The following RABGAP1L variants were observed in gnomAD, a reference collection of about 807,000 sequenced individuals.
RABGAP1L encodes RAB GTPase activating protein 1 like.
A neutral mutation model predicts 137.7 loss-of-function variants in RABGAP1L; 63 were observed. The observed-to-expected ratio is 0.46, with a 90% CI of 0.37 to 0.56. The LOEUF is 0.56. RABGAP1L is among the 20% of genes least tolerant of loss of function. RABGAP1L has a pLI of 0.00. For synonymous variants in RABGAP1L, 431 were observed against 433.7 expected, an observed-to-expected ratio of 0.99 and a Z score of 0.08; for missense variants, 1,095 against 1,244.0, an observed-to-expected ratio of 0.88 and a Z score of 1.80.
At chr1:174,493,014 A>G (rs1223368269) in intron 13 of RABGAP1L, among the ~76,000 whole-genome samples, 1 of 151,406 alleles carries the variant, frequency 6.6e-6, no homozygotes, top group Non-Finnish European at 1.5e-5. Context: ...GTTAGGGACT[A>G]TGTCTCTTTT....
At chr1:174,318,638 C>CTTTCTTTCTT (rs1679653106) in intron 11 of RABGAP1L, among the ~76,000 whole-genome samples, 21 of 88,652 alleles carry the variant, frequency 2.4e-4, no homozygotes, top group African/African-American at 7.8e-4. Context: ...CTTTCTTTTT[C>CTTTCTTTCTT]TTTCTTTTTT....
At chr1:174,925,120 C>T (rs1662497165) in intron 19 of RABGAP1L, among the ~76,000 whole-genome samples, 1 of 152,042 alleles carries the variant, frequency 6.6e-6, no homozygotes, top group Non-Finnish European at 1.5e-5. Context: ...AATCCCAGCA[C>T]TTTGGGAGGC....
chr1:174,615,874 CT>C (rs2148239307), intron 13 of RABGAP1L, among the ~76,000 whole-genome samples: 1 of 152,354 alleles, frequency 6.6e-6, no homozygotes, highest in Admixed American at 6.5e-5. Flanking sequence ...GTGTAGGACC[CT>C]CCGAGCCAGG....
Position 174,840,696 on chromosome 1 carries a change from A to G in RABGAP1L, c.2340+28736A>G, listed in dbSNP as rs192814870. ...CTGGGCGTGGTGGCAGGCACCTGTA[A>G]TCCCAGCTACTTGGGAGACTGAGGC... On this transcript the variant is annotated intron_variant, in intron 19 of 25. Transcript: ENST00000681986. 4.1e-4 allele frequency among the ~76,000 whole-genome samples: 62 copies of G among 151,676 alleles called. No individual in the cohort carries two copies. The East Asian group carries it at 8.9e-3, about 22-fold the overall frequency.
chr1:174,591,098 C>T (rs1271588470), intron 13 of RABGAP1L, among the ~76,000 whole-genome samples: 36 of 73,864 alleles, frequency 4.9e-4, no homozygotes, highest in African/African-American at 2.6e-3. Context: ...TCTCTCATGG[C>T]CAGTGATGAT....
intron 13 of RABGAP1L, among the ~76,000 whole-genome samples, chr1:174,496,562 T>C (rs1282041824): frequency 6.6e-6 from 1 of 152,192 alleles, no homozygotes; most frequent in African/African-American, 2.4e-5. Context: ...GCATCAGTAG[T>C]GGTTGCCAAG....
chr1:174,764,077 A>G (rs994463605), intron 18 of RABGAP1L, among the ~76,000 whole-genome samples: 5 of 152,090 alleles, frequency 3.3e-5, no homozygotes, highest in African/African-American at 1.2e-4. Context: ...GTCTTTTGTG[A>G]CTGGCTTTTT....
intron 11 of RABGAP1L, among the ~76,000 whole-genome samples, chr1:174,316,442 AG>A (rs1239676464): frequency 2.0e-5 from 3 of 152,184 alleles, no homozygotes; most frequent in African/African-American, 7.2e-5. Context: ...TATCTACTTT[AG>A]GGGCAAGCTC....
At chr1:174,467,551 G>T (rs926235386) in intron 13 of RABGAP1L, among the ~76,000 whole-genome samples, 10 of 152,052 alleles carry the variant, frequency 6.6e-5, no homozygotes, top group African/African-American at 2.4e-4. Context: ...CTAAATAAAT[G>T]TAAAAGTAAC....
chr1:174,690,414 T>G (rs539358761), intron 15 of RABGAP1L, among the ~76,000 whole-genome samples: 1 of 152,228 alleles, frequency 6.6e-6, no homozygotes, highest in African/African-American at 2.4e-5. Context: ...ATTTAACTTC[T>G]TTGAACTTCA....
chr1:174,255,472 AC>A (rs1220384430), intron 7 of RABGAP1L, among the ~76,000 whole-genome samples: 1 of 152,074 alleles, frequency 6.6e-6, no homozygotes, highest in African/African-American at 2.4e-5. Context: ...TCTCAGTGTT[AC>A]CAGTGTTACC....
intron 17 of RABGAP1L, among the ~76,000 whole-genome samples, chr1:174,711,355 G>T (rs929269951): frequency 1.4e-4 from 21 of 151,908 alleles, no homozygotes; most frequent in African/African-American, 4.9e-4. Flanking sequence ...AGGAGGCACT[G>T]AGAGTGAGTG....
chr1:174,618,173 G>C (rs1315576366), intron 13 of RABGAP1L, among the ~76,000 whole-genome samples: 1 of 152,198 alleles, frequency 6.6e-6, no homozygotes, highest in Non-Finnish European at 1.5e-5. Context: ...GCCCACCGCA[G>C]CTTAAGGAGG....
intron 13 of RABGAP1L, among the ~76,000 whole-genome samples, chr1:174,489,041 G>A (rs1659954505): frequency 6.6e-6 from 1 of 151,502 alleles, no homozygotes; most frequent in South Asian, 2.1e-4. Flanking sequence ...CCTTGCAATA[G>A]TTTGCTCAGA....
intron 14 of RABGAP1L, among the ~76,000 whole-genome samples, chr1:174,682,325 C>T (rs958274442): frequency 1.3e-5 from 2 of 151,722 alleles, no homozygotes; most frequent in Admixed American, 6.6e-5. Flanking sequence ...TATACACACA[C>T]ACACACACAC....
At chr1:174,819,880 T>C (rs185208502) in intron 19 of RABGAP1L, among the ~76,000 whole-genome samples, 52 of 152,278 alleles carry the variant, frequency 3.4e-4, no homozygotes, top group Non-Finnish European at 5.9e-4. Flanking sequence ...CTCAAAAGAA[T>C]GGACCTTTCA....
intron 18 of RABGAP1L, chr1:174,756,875 C>G (rs536984466): frequency 3.2e-6 from 2 of 625,420 alleles, no homozygotes; most frequent in Non-Finnish European, 5.9e-6. Flanking sequence ...ACACCACTCT[C>G]GAAGGCATCT....
rs545536974 is a variant in RABGAP1L at position 174,563,008 on chromosome 1, AAAG to A, written c.1711-74364_1711-74362del. 9.8e-5 allele frequency among the ~76,000 whole-genome samples: 15 copies of A among 152,340 alleles called. No homozygotes were observed. The East Asian group carries it at 2.3e-3, about 23-fold the overall frequency. On this transcript the variant is annotated intron_variant, in intron 13 of 25. Transcript: ENST00000681986. ...CTCCAGAACTTAAAGTATAATAAAA[AAAG>A]AAATAAAAATGAAGTTTGATATTAT...
chr1:174,665,068 A>G (rs1676681937), intron 14 of RABGAP1L, among the ~76,000 whole-genome samples: 1 of 151,820 alleles, frequency 6.6e-6, no homozygotes, highest in Admixed American at 6.6e-5. Flanking sequence ...CTTTAAAGTC[A>G]TTTTTCTGAT....
Sources: gnomAD v4.1 joint callset for allele counts (sites outside exome capture counted in the v4.1 genomes callset) on GRCh38, gnomAD v4.1.1 for gene constraint, MANE v1.5 for transcripts, NCBI Gene and HGNC (gene_info 2026-07-23, HGNC 2026-07-21) for gene names.